Variants in KIAA0825 observed in about 807,000 individuals in gnomAD.
KIAA0825 encodes the protein uncharacterized protein KIAA0825.
In KIAA0825, 119 loss-of-function variants were observed where a neutral mutation model predicts 147.6. The ratio of observed to expected loss-of-function variants is 0.81; its 90% CI spans 0.69 to 0.94. The LOEUF is 0.94. Among genes scored for constraint, KIAA0825 ranks in the 40% least tolerant of loss-of-function variants. KIAA0825 has a pLI of 0.00. For missense variants in KIAA0825, 1,381 were observed against 1,472.7 expected, an observed-to-expected ratio of 0.94 and a Z score of 1.02; for synonymous variants, 470 against 518.1, an observed-to-expected ratio of 0.91 and a Z score of 1.26.
chr5:94,533,508 T>G (rs1369049773), intron 3 of KIAA0825, among the ~76,000 whole-genome samples: 1 of 134,694 alleles, frequency 7.4e-6, no homozygotes. Context: ...AACTCCTGAC[T>G]TTGTGATCCG....
At chr5:94,418,404 G>A (rs1283642305) in intron 14 of KIAA0825, among the ~76,000 whole-genome samples, 1 of 151,950 alleles carries the variant, frequency 6.6e-6, no homozygotes, top group Non-Finnish European at 1.5e-5. Flanking sequence ...AAACAAGTTA[G>A]TTTTCCTTTA....
At chr5:94,159,004 C>T (rs1303202897) in intron 20 of KIAA0825, among the ~76,000 whole-genome samples, 2 of 152,098 alleles carry the variant, frequency 1.3e-5, no homozygotes, top group Non-Finnish European at 2.9e-5. Flanking sequence ...GATAATTGTC[C>T]TCATCTAATA....
At chr5:94,346,223 C>T (rs530168440) in intron 20 of KIAA0825, among the ~76,000 whole-genome samples, 1 of 152,216 alleles carries the variant, frequency 6.6e-6, no homozygotes, top group East Asian at 1.9e-4. Context: ...AAACCAGCTA[C>T]AAAGTACTGC....
chr5:94,607,782 C>T lies in KIAA0825; in HGVS notation c.-153+10718G>A, dbSNP rs373394054. 5.2e-4 allele frequency among the ~76,000 whole-genome samples: 79 copies of T among 152,224 alleles called. 1 individual carries two copies. The highest frequency in any genetic ancestry group is 1.7e-3 in the African/African-American group (69 of 41,532). On this transcript the variant is annotated intron_variant, in intron 1 of 20. Coordinates refer to ENST00000682413, the MANE Select transcript of KIAA0825 (RefSeq NM_001145678.3). ...CACAAAGCTAAGATCAAGTAGTGAG[C>T]GGAGCTTCATTCCTTTTTGGAGATT...
Position 94,545,924 on chromosome 5 carries a change from G to A in KIAA0825, c.-1-8797C>T, listed in dbSNP as rs981862664. Among the ~76,000 whole-genome samples, 4 of 152,124 alleles carry A rather than the reference G, an allele frequency of 2.6e-5. No individual in the cohort carries two copies. The East Asian group carries it at 5.8e-4, about 22-fold the overall frequency. ...AGTGGGCTCTTGAGGTCCCCAAGTC[G>A]AGGCCTAGGCTCTTGGATGGCATTT... is the stretch of plus-strand genomic sequence containing the variant. On this transcript the variant is annotated intron_variant, in intron 2 of 20. Transcript: ENST00000682413.
intron 20 of KIAA0825, among the ~76,000 whole-genome samples, chr5:94,220,327 C>G (rs1245240718): frequency 6.6e-6 from 1 of 152,100 alleles, no homozygotes; most frequent in African/African-American, 2.4e-5. Flanking sequence ...ACAGTATCTC[C>G]TGAAGGATCC....
intron 2 of KIAA0825, among the ~76,000 whole-genome samples, chr5:94,574,413 G>T (rs1358258317): frequency 6.6e-6 from 1 of 151,784 alleles, no homozygotes; most frequent in African/African-American, 2.4e-5. Context: ...GTGTGTTGGT[G>T]TATGCCTGTA....
chr5:94,353,650 T>A (rs754199207), intron 20 of KIAA0825, among the ~76,000 whole-genome samples: 2 of 152,188 alleles, frequency 1.3e-5, no homozygotes, highest in Non-Finnish European at 2.9e-5. Flanking sequence ...TATCTTCTTA[T>A]ATACATTTCC....
In KIAA0825 at chr5:94,231,212, A is replaced by G. The variant is rs148218898; in HGVS notation, c.3711-77088T>C. Reference sequence around the variant, plus strand: ...AGGTCATAACATTAATCAGTGTTCTATGTGTCTCAACAGGGCATCAAGGTA... The same window carrying G: ...AGGTCATAACATTAATCAGTGTTCTGTGTGTCTCAACAGGGCATCAAGGTA... On this transcript the variant is annotated intron_variant, in intron 20 of 20. Transcript: ENST00000682413. 4.6e-5 allele frequency among the ~76,000 whole-genome samples: 7 copies of G among 152,236 alleles called. No individual in the cohort carries two copies. The East Asian group carries it at 1.2e-3, about 25-fold the overall frequency.
chr5:94,587,665 T>C (rs1185925110), intron 1 of KIAA0825, among the ~76,000 whole-genome samples: 3 of 152,152 alleles, frequency 2.0e-5, no homozygotes, highest in South Asian at 2.1e-4. Flanking sequence ...AAGCTACCAA[T>C]GACTTTCTTC....
intron 18 of KIAA0825, among the ~76,000 whole-genome samples, chr5:94,389,282 G>T (rs1191957388): frequency 6.6e-6 from 1 of 152,160 alleles, no homozygotes; most frequent in Non-Finnish European, 1.5e-5. Flanking sequence ...CATGCCTCTT[G>T]CAAGTGGTTG....
intron 2 of KIAA0825, among the ~76,000 whole-genome samples, chr5:94,557,407 C>CTT (rs77735800): frequency 5.8e-4 from 81 of 138,954 alleles, no homozygotes; most frequent in Admixed American, 1.5e-3. Flanking sequence ...AGGCTCCTTT[C>CTT]TTTTTTTTTT....
At chr5:94,315,607 G>C (rs1179933554) in intron 20 of KIAA0825, among the ~76,000 whole-genome samples, 2 of 151,238 alleles carry the variant, frequency 1.3e-5, no homozygotes, top group Non-Finnish European at 1.5e-5. Flanking sequence ...GAAATACAAG[G>C]AAAAAATAAA....
At chr5:94,221,823 C>A (rs1297200224) in intron 20 of KIAA0825, among the ~76,000 whole-genome samples, 1 of 152,138 alleles carries the variant, frequency 6.6e-6, no homozygotes, top group Non-Finnish European at 1.5e-5. Flanking sequence ...CCCCAAAGAA[C>A]CTTGTCTTTT....
rs558313116 is a variant in KIAA0825 at position 94,249,837 on chromosome 5, T to A, written c.3711-95713A>T. On this transcript the variant is annotated intron_variant, in intron 20 of 20. Coordinates refer to ENST00000682413, the MANE Select transcript of KIAA0825 (RefSeq NM_001145678.3). ...TTGCTAATTTATTTATAGACTTATA[T>A]AAGTTATCTATTTCCCCTCCATTAA... is the stretch of plus-strand genomic sequence containing the variant. Among the ~76,000 whole-genome samples, 443 of 151,650 alleles carry A rather than the reference T, an allele frequency of 2.9e-3. 1 individual carries two copies. The highest frequency in any genetic ancestry group is 0.01 in the African/African-American group (414 of 41,322).
chr5:94,398,979 C>T (rs1280857682), intron 16 of KIAA0825, among the ~76,000 whole-genome samples: 1 of 152,090 alleles, frequency 6.6e-6, no homozygotes, highest in African/African-American at 2.4e-5. Flanking sequence ...TCCATGACAA[C>T]TTAAGAATCA....
intron 20 of KIAA0825, among the ~76,000 whole-genome samples, chr5:94,367,359 G>A (rs751304257): frequency 4.6e-5 from 7 of 152,026 alleles, no homozygotes; most frequent in Non-Finnish European, 1.0e-4. Context: ...TTAGGCAGAC[G>A]TGGTGGCGGG....
chr5:94,302,090 C>T (rs1412173518), intron 20 of KIAA0825, among the ~76,000 whole-genome samples: 1 of 152,094 alleles, frequency 6.6e-6, no homozygotes, highest in Non-Finnish European at 1.5e-5. Context: ...ATCTGGCCCC[C>T]ACTTCATGCT....
intron 2 of KIAA0825, among the ~76,000 whole-genome samples, chr5:94,538,811 G>A (rs1772655357): frequency 6.6e-6 from 1 of 152,230 alleles, no homozygotes; most frequent in Non-Finnish European, 1.5e-5. Context: ...AGTGAATGCT[G>A]TGTATCTATC....
Sources: gnomAD v4.1 joint callset for allele counts (sites outside exome capture counted in the v4.1 genomes callset) on GRCh38, gnomAD v4.1.1 for gene constraint, MANE v1.5 for transcripts, NCBI Gene and HGNC (gene_info 2026-07-23, HGNC 2026-07-21) for gene names.